The following PRKCA variants were observed in gnomAD, a reference collection of about 807,000 sequenced individuals.
PRKCA encodes the protein protein kinase C alpha type.
In PRKCA, 27 loss-of-function variants were observed where a neutral mutation model predicts 87.0. The ratio of observed to expected loss-of-function variants is 0.31; its 90% CI spans 0.23 to 0.43. The LOEUF is 0.43. PRKCA is among the 20% of genes least tolerant of loss of function. The probability of loss-of-function intolerance (pLI) is 1.00; values close to 1 mark genes in which losing one functional copy is unlikely to be tolerated. For missense variants in PRKCA, 518 were observed against 852.3 expected, an observed-to-expected ratio of 0.61 and a Z score of 4.88; for synonymous variants, 329 against 311.1, an observed-to-expected ratio of 1.06 and a Z score of -0.61.
intron 2 of PRKCA, among the ~76,000 whole-genome samples, chr17:66,322,061 C>T (rs1905701717): frequency 6.6e-6 from 1 of 152,156 alleles, no homozygotes; most frequent in Admixed American, 6.5e-5. Flanking sequence ...TAATGTCACT[C>T]TGGGTGAGGT....
chr17:66,396,716 C>G (rs1368466253), intron 2 of PRKCA, among the ~76,000 whole-genome samples: 1 of 149,412 alleles, frequency 6.7e-6, no homozygotes, highest in Non-Finnish European at 1.5e-5. Flanking sequence ...GCAACCTCTG[C>G]CTTCTGGGTT....
chr17:66,760,538 TAAAAAC>T (rs1974659468), intron 13 of PRKCA, among the ~76,000 whole-genome samples: 1 of 151,242 alleles, frequency 6.6e-6, no homozygotes, highest in African/African-American at 2.4e-5. Flanking sequence ...CAAAAGAAAA[TAAAAAC>T]TAGAGCAGAA....
intron 16 of PRKCA, among the ~76,000 whole-genome samples, chr17:66,802,368 G>A (rs994028207): frequency 1.3e-5 from 2 of 152,112 alleles, no homozygotes; most frequent in African/African-American, 4.8e-5. Context: ...GGTAATGAAA[G>A]TAGCTTCGTC....
chr17:66,791,377 T>C (rs1352644328), intron 16 of PRKCA, among the ~76,000 whole-genome samples: 1 of 152,042 alleles, frequency 6.6e-6, no homozygotes. Context: ...GGAAAACCTG[T>C]GCACAAAAGA....
chr17:66,788,635 C>T (rs1041128345), intron 15 of PRKCA, among the ~76,000 whole-genome samples: 2 of 152,094 alleles, frequency 1.3e-5, no homozygotes, highest in Non-Finnish European at 2.9e-5. Flanking sequence ...TGAAAACCAC[C>T]ATAGGAAGGG....
rs552921619 is a variant in PRKCA, at chr17:66,794,828, T to C, written c.1854+5849T>C. Among the ~76,000 whole-genome samples the C allele has an allele frequency of 3.3e-5, 5 of 152,208 alleles. 1 individual carries two copies. The East Asian group carries it at 9.7e-4, about 29-fold the overall frequency. The stretch of plus-strand genomic sequence containing the variant: ...TAGTAGAGATGGGGTTTTGCCATGT[T>C]GGCCAGGCTGGTCTCAAACTCCTGA... On this transcript the variant is annotated intron_variant, in intron 16 of 16. Transcript: ENST00000413366.
intron 5 of PRKCA, among the ~76,000 whole-genome samples, chr17:66,657,337 A>G (rs1971762460): frequency 6.6e-6 from 1 of 152,210 alleles, no homozygotes; most frequent in Admixed American, 6.5e-5. Flanking sequence ...GAGAGAATAG[A>G]AGCAAGGCAA....
intron 2 of PRKCA, among the ~76,000 whole-genome samples, chr17:66,403,401 T>C (rs1911153852): frequency 6.6e-6 from 1 of 152,204 alleles, no homozygotes; most frequent in Non-Finnish European, 1.5e-5. Flanking sequence ...CTGTAATGTT[T>C]AGGAGGCTTC....
rs534422911 is a variant in PRKCA at position 66,515,566 on chromosome 17, G to A, written c.288+19283G>A. ...TTTTTCTTTTTTTGCGGGGGGTAGG[G>A]TGTCTCACTCCTTTTGCCCAGGCTT... On this transcript the variant is annotated intron_variant, in intron 3 of 16. Coordinates refer to ENST00000413366, the MANE Select transcript of PRKCA (RefSeq NM_002737.3). Among the ~76,000 whole-genome samples, 140 of 152,188 alleles carry A rather than the reference G, an allele frequency of 9.2e-4. 2 individuals carry two copies. The South Asian group carries it at 0.028, about 30-fold the overall frequency.
chr17:66,335,234 C>T (rs913904745), intron 2 of PRKCA, among the ~76,000 whole-genome samples: 1 of 152,148 alleles, frequency 6.6e-6, no homozygotes, highest in South Asian at 2.1e-4. Context: ...CTCAAGCCAT[C>T]CTCCCGTCTC....
intron 2 of PRKCA, among the ~76,000 whole-genome samples, chr17:66,452,089 C>T (rs1567836448): frequency 6.6e-6 from 1 of 152,172 alleles, no homozygotes; most frequent in Non-Finnish European, 1.5e-5. Context: ...CCCCTCCATG[C>T]AGCAGGGTGC....
At chr17:66,488,839 A>G (rs1361052700) in intron 2 of PRKCA, among the ~76,000 whole-genome samples, 1 of 152,344 alleles carries the variant, frequency 6.6e-6, no homozygotes, top group Non-Finnish European at 1.5e-5. Context: ...TTGTTTTCAT[A>G]CAACTTTTAA....
intron 16 of PRKCA, among the ~76,000 whole-genome samples, chr17:66,794,204 T>A (rs1975609828): frequency 6.6e-6 from 1 of 152,156 alleles, no homozygotes; most frequent in Non-Finnish European, 1.5e-5. Context: ...AGATGGCCAT[T>A]TTTTTTGTGA....
intron 5 of PRKCA, among the ~76,000 whole-genome samples, chr17:66,681,075 T>A (rs2052193): frequency 0.52 from 79,461 of 151,736 alleles, 20,933 homozygotes; most frequent in African/African-American, 0.53. Flanking sequence ...CTAAAAATAC[T>A]AAAATTAGCC....
At position 66,792,290 on chromosome 17, in the gene PRKCA, G is replaced by A. The variant is rs1242625125; in HGVS notation, c.1854+3311G>A. ...CCAAATACCAGTAGCGGGACTTCAG[G>A]TTCTCACAGTTATTTGCAAACTGCT... On this transcript the variant is annotated intron_variant, in intron 16 of 16. Transcript: ENST00000413366. The surrounding 1 kb of genome is among the most constrained non-coding windows in gnomAD (Gnocchi z 4.5). 6.6e-6 allele frequency among the ~76,000 whole-genome samples: 1 copy of A among 152,192 alleles called. No individual in the cohort carries two copies. Among genetic ancestry groups the A allele is most frequent in the Non-Finnish European group, 1.5e-5 (1 of 68,026 alleles).
intron 14 of PRKCA, among the ~76,000 whole-genome samples, chr17:66,782,935 C>T (rs1447793754): frequency 6.6e-6 from 1 of 152,332 alleles, no homozygotes; most frequent in East Asian, 1.9e-4. Context: ...CCACCCAAGC[C>T]GTCTGCACAG....
chr17:66,359,955 T>G (rs1406711252), intron 2 of PRKCA, among the ~76,000 whole-genome samples: 1 of 152,206 alleles, frequency 6.6e-6, no homozygotes, highest in Non-Finnish European at 1.5e-5. Flanking sequence ...TGTCTCTTAT[T>G]TAGCTCTGTT....
intron 2 of PRKCA, among the ~76,000 whole-genome samples, chr17:66,379,977 G>A (rs956335660): frequency 6.6e-6 from 1 of 152,096 alleles, no homozygotes; most frequent in African/African-American, 2.4e-5. Flanking sequence ...AAAATGGACT[G>A]TGATACTCAG....
At chr17:66,523,940 T>C (rs1967258752) in intron 3 of PRKCA, among the ~76,000 whole-genome samples, 1 of 152,228 alleles carries the variant, frequency 6.6e-6, no homozygotes, top group African/African-American at 2.4e-5. Flanking sequence ...AGCTTGTTTA[T>C]GCTGCAAGTA....
Sources: gnomAD v4.1 joint callset for allele counts (sites outside exome capture counted in the v4.1 genomes callset) on GRCh38, gnomAD v4.1.1 for gene constraint, Gnocchi (gnomAD v3.1) non-coding constraint, MANE v1.5 for transcripts, NCBI Gene and HGNC (gene_info 2026-07-23, HGNC 2026-07-21) for gene names.